The following POTEJ variants were observed in gnomAD, a reference collection of about 807,000 sequenced individuals.
POTEJ encodes POTE ankyrin domain family, member J.
In POTEJ, 11 loss-of-function variants were observed where a neutral mutation model predicts 69.0. That is an observed-to-expected ratio of 0.16 (90% CI 0.10 to 0.26). POTEJ has a LOEUF of 0.26. Among genes scored for constraint, POTEJ ranks in the 10% least tolerant of loss-of-function variants. The pLI is 1.00. For synonymous variants in POTEJ, 117 were observed against 381.1 expected (o/e 0.31, Z 8.07); for missense variants, 327 against 1,045.5 (o/e 0.31, Z 9.48).
chr2:130,637,910 A>T (rs1686170922), intron 9 of POTEJ, among the ~76,000 whole-genome samples: 1 of 145,622 alleles, frequency 6.9e-6, no homozygotes. Flanking sequence ...TGATTCATCA[A>T]CTCCGTAATA....
rs750282134 is a variant in POTEJ, at chr2:130,656,826, C to A, written c.2066C>A (p.Ala689Asp). The A allele has an allele frequency of 5.6e-5, 90 of 1,604,500 alleles. No homozygotes were observed. Among genetic ancestry groups the A allele is most frequent in the Non-Finnish European group, 7.6e-5 (90 of 1,176,718 alleles). The change falls in exon 15 of 15, where the codon GCC becomes GAC. Residue 689 changes from alanine to aspartate, a missense_variant. Ala to Asp is a moderately radical substitution (Grantham distance 126). Transcript: ENST00000409602. ...MCKAGFAGDD[A>D]PRAVFPSIVG... ...AAGGCCGGCTTTGCGGGCGACGATG[C>A]CCCCCGGGCTGTCTTCCCTTCCATC...
At chr2:130,638,460 A>G (rs1416678440) in intron 9 of POTEJ, among the ~76,000 whole-genome samples, 159 bp from the exon 10 acceptor site, 2 of 150,892 alleles carry the variant, frequency 1.3e-5, no homozygotes, top group African/African-American at 4.9e-5. Context: ...TAGAAGCTTC[A>G]TGAGAAGTTT....
At chr2:130,627,166 A>T (rs1371243086) in intron 6 of POTEJ, among the ~76,000 whole-genome samples, 1 of 151,846 alleles carries the variant, frequency 6.6e-6, no homozygotes, top group South Asian at 2.1e-4. Flanking sequence ...AGCAGGAATG[A>T]CTAATGTTTT....
chr2:130,642,822 G>A (rs1207122985), intron 10 of POTEJ, among the ~76,000 whole-genome samples: 3 of 151,874 alleles, frequency 2.0e-5, no homozygotes, highest in South Asian at 2.1e-4. Context: ...TTCAGGCCTC[G>A]CTCCCGCTCT....
chr2:130,619,392 G>A (rs1685472762), intron 3 of POTEJ, among the ~76,000 whole-genome samples: 2 of 131,560 alleles, frequency 1.5e-5, no homozygotes, highest in Admixed American at 7.9e-5. Flanking sequence ...GGCATAATCA[G>A]CATGGCAGTT....
chr2:130,642,802 C>T (rs1686439161), intron 10 of POTEJ, among the ~76,000 whole-genome samples: 3 of 152,170 alleles, frequency 2.0e-5, no homozygotes, highest in Admixed American at 1.3e-4. Flanking sequence ...TAGGCAAATA[C>T]TTTCACTCTT....
chr2:130,614,169 A>G (rs1353347136), intron 1 of POTEJ, among the ~76,000 whole-genome samples: 46 of 87,824 alleles, frequency 5.2e-4, no homozygotes, highest in African/African-American at 7.9e-4. Flanking sequence ...AAAAAAAAGA[A>G]AAAAAAAAAA....
chr2:130,641,161 T>G (rs1219507296), intron 10 of POTEJ, among the ~76,000 whole-genome samples: 13 of 152,180 alleles, frequency 8.5e-5, no homozygotes, highest in South Asian at 6.2e-4. Flanking sequence ...AAAACCATAA[T>G]GCAGATTGGA....
At chr2:130,656,465 A>G in intron 14 of POTEJ, 84 bp from the exon 15 acceptor site, 1 of 1,513,924 alleles carries the variant, frequency 6.6e-7, no homozygotes, top group South Asian at 1.2e-5. Context: ...CATTATACAA[A>G]TACATGTTAT....
At chr2:130,649,028 G>C (rs1275386274) in intron 13 of POTEJ, among the ~76,000 whole-genome samples, 1 of 137,362 alleles carries the variant, frequency 7.3e-6, no homozygotes, top group African/African-American at 3.0e-5. Context: ...CTGACATCAG[G>C]TGATCTGCCC....
chr2:130,656,580 T>G lies in POTEJ; in HGVS notation c.1820T>G (p.Phe607Cys). ...LSLSCKKERD[F>C]LHENSMLREE... ...CTTAGTTGTAAGAAAGAAAGAGACT[T>G]CTTGCATGAAAATAGTATGTTGCGG... The change falls in exon 15 of 15, where the codon TTC (phenylalanine) becomes TGC (cysteine). Residue 607 changes from phenylalanine (F) to cysteine (C), a missense_variant. By Grantham distance (205) the Phe-to-Cys change is radical. Coordinates refer to ENST00000409602, the MANE Select transcript of POTEJ (RefSeq NM_001277083.2). 6.2e-7 allele frequency: 1 copy of G among 1,609,612 alleles called. No homozygotes were observed. Among genetic ancestry groups the G allele is most frequent in the South Asian group, 1.1e-5 (1 of 90,994 alleles).
At chr2:130,614,428 A>G in intron 1 of POTEJ, among the ~76,000 whole-genome samples, 1 of 146,676 alleles carries the variant, frequency 6.8e-6, no homozygotes, top group Admixed American at 6.8e-5. Context: ...ACCCATATAA[A>G]GATTTTATGA....
chr2:130,636,903 C>T (rs1386062695), intron 9 of POTEJ, among the ~76,000 whole-genome samples: 1 of 146,536 alleles, frequency 6.8e-6, no homozygotes, highest in East Asian at 1.9e-4. Context: ...CCAGTGAAAC[C>T]CCATCTCTAC....
At chr2:130,646,901 C>A (rs1686597754) in intron 13 of POTEJ, among the ~76,000 whole-genome samples, 1 of 148,256 alleles carries the variant, frequency 6.7e-6, no homozygotes, top group African/African-American at 2.6e-5. Context: ...ATTTCATATA[C>A]TGTTGGTAAA....
chr2:130,625,387 A>T (rs1477365600), intron 6 of POTEJ, among the ~76,000 whole-genome samples: 1 of 151,972 alleles, frequency 6.6e-6, no homozygotes, highest in South Asian at 2.1e-4. Flanking sequence ...TTTTGTTATC[A>T]TTGTCATTTT....
intron 1 of POTEJ, among the ~76,000 whole-genome samples, chr2:130,615,738 T>A (rs1261644801): frequency 4.0e-5 from 6 of 149,210 alleles, no homozygotes. Flanking sequence ...AACCTGCACA[T>A]CCGGCACATG....
At chr2:130,640,310 A>G (rs1169542338) in intron 10 of POTEJ, among the ~76,000 whole-genome samples, 1 of 142,104 alleles carries the variant, frequency 7.0e-6, no homozygotes, top group Non-Finnish European at 1.5e-5. Context: ...CAAAAGTGTG[A>G]GATACCAGAG....
chr2:130,635,998 ACT>A (rs1686071664), intron 9 of POTEJ, among the ~76,000 whole-genome samples: 2 of 143,454 alleles, frequency 1.4e-5, no homozygotes, highest in Admixed American at 1.3e-4. Context: ...CCTCCTTTTC[ACT>A]CTGAGTATGG....
chr2:130,639,235 T>C (rs1418957902), intron 10 of POTEJ, among the ~76,000 whole-genome samples: 41 of 152,280 alleles, frequency 2.7e-4, no homozygotes, highest in African/African-American at 9.4e-4. Context: ...GGCCTGGGAG[T>C]TGTGGAGCCC....
Sources: gnomAD v4.1 joint callset for allele counts (sites outside exome capture counted in the v4.1 genomes callset) on GRCh38, gnomAD v4.1.1 for gene constraint, MANE v1.5 for transcripts, NCBI Gene and HGNC (gene_info 2026-07-23, HGNC 2026-07-21) for gene names.